FOXP1: variants seen among roughly 807,000 people sequenced by gnomAD.
FOXP1 encodes forkhead box protein P1.
FOXP1 carries 15 observed loss-of-function variants against 98.2 expected under a neutral mutation model. The observed-to-expected ratio is 0.15, with a 90% CI of 0.10 to 0.24. FOXP1 has a LOEUF of 0.24. FOXP1 is among the 10% of genes least tolerant of loss of function. The pLI, the probability that FOXP1 is intolerant of heterozygous loss-of-function variation, is 1.00. For missense variants in FOXP1, 633 were observed against 848.5 expected (o/e 0.75, Z 3.15); for synonymous variants, 371 against 314.5 (o/e 1.18, Z -1.90).
At chr3:71,581,846 G>T in intron 1 of FOXP1, 149 bp from the exon 2 acceptor site, 1 of 986,204 alleles carries the variant, frequency 1.0e-6, no homozygotes, top group Non-Finnish European at 1.2e-6. Flanking sequence ...CGCGTGGAGG[G>T]AAGAGAGGAT....
chr3:71,541,085 C>T (rs1292033274), intron 2 of FOXP1, among the ~76,000 whole-genome samples: 4 of 152,160 alleles, frequency 2.6e-5, no homozygotes, highest in Non-Finnish European at 5.9e-5. Context: ...TGGACAAGTC[C>T]CTTCTTTTAG....
At chr3:71,063,977 C>A (rs927409725) in intron 7 of FOXP1, among the ~76,000 whole-genome samples, 2 of 152,160 alleles carry the variant, frequency 1.3e-5, no homozygotes, top group African/African-American at 4.8e-5. Context: ...ACTGACCGTC[C>A]TTCATGCAGT....
At chr3:70,967,687 GTTTTT>G (rs67711426) in intron 19 of FOXP1, among the ~76,000 whole-genome samples, 1 of 61,358 alleles carries the variant, frequency 1.6e-5, no homozygotes, top group South Asian at 5.9e-4. Flanking sequence ...ACTATTATTT[GTTTTT>G]TTTTTTTGTT....
At chr3:71,042,996 T>C (rs1324434845) in intron 10 of FOXP1, among the ~76,000 whole-genome samples, 1 of 152,176 alleles carries the variant, frequency 6.6e-6, no homozygotes, top group Admixed American at 6.6e-5. Flanking sequence ...TAGGATTTTT[T>C]TATATTCACC....
chr3:71,357,420 C>A (rs1376146327), intron 4 of FOXP1, among the ~76,000 whole-genome samples: 1 of 152,176 alleles, frequency 6.6e-6, no homozygotes, highest in African/African-American at 2.4e-5. Flanking sequence ...AAACAAGGCA[C>A]AGTCAACAGA....
At chr3:71,350,838 CCTT>C in intron 4 of FOXP1, among the ~76,000 whole-genome samples, 1 of 152,278 alleles carries the variant, frequency 6.6e-6, no homozygotes, top group East Asian at 1.9e-4. Context: ...AGTTCTGTCT[CCTT>C]CTGAAACCAG....
intron 6 of FOXP1, among the ~76,000 whole-genome samples, chr3:71,152,129 A>T (rs531550343): frequency 6.6e-6 from 1 of 152,258 alleles, no homozygotes; most frequent in African/African-American, 2.4e-5. Context: ...CTGTTCCTGA[A>T]GACAGAGATT....
At chr3:71,369,653 A>C (rs926264610) in intron 3 of FOXP1, among the ~76,000 whole-genome samples, 1 of 152,148 alleles carries the variant, frequency 6.6e-6, no homozygotes, top group Non-Finnish European at 1.5e-5. Context: ...TCAGTCTCCC[A>C]AAGTGCTAGG....
chr3:71,491,094 C>T (rs2091029778), intron 3 of FOXP1, among the ~76,000 whole-genome samples: 1 of 152,184 alleles, frequency 6.6e-6, no homozygotes, highest in African/African-American at 2.4e-5. Flanking sequence ...CAGCTCACTG[C>T]AACCTCCACC....
chr3:71,339,800 T>C (rs1275751060), intron 4 of FOXP1, among the ~76,000 whole-genome samples: 1 of 152,190 alleles, frequency 6.6e-6, no homozygotes, highest in African/African-American at 2.4e-5. Context: ...AATTCCTCTC[T>C]GAGAGAAAGT....
intron 6 of FOXP1, among the ~76,000 whole-genome samples, chr3:71,178,426 G>A (rs1444715655): frequency 1.3e-5 from 2 of 151,922 alleles, no homozygotes; most frequent in African/African-American, 2.4e-5. Context: ...GAGCCATCGC[G>A]CCCGGCCAGT....
At chr3:71,479,456 A>C (rs1365670959) in intron 3 of FOXP1, among the ~76,000 whole-genome samples, 1 of 152,144 alleles carries the variant, frequency 6.6e-6, no homozygotes, top group Non-Finnish European at 1.5e-5. Context: ...GGGCAGGTGG[A>C]TCACCTGAGG....
chr3:71,045,897 G>A (rs193167672), intron 10 of FOXP1, among the ~76,000 whole-genome samples: 3 of 152,170 alleles, frequency 2.0e-5, no homozygotes, highest in African/African-American at 7.2e-5. Context: ...ATCCAAGACA[G>A]CAGTGGCTTT....
chr3:71,510,836 T>A (rs970561419), intron 2 of FOXP1, among the ~76,000 whole-genome samples: 2 of 152,242 alleles, frequency 1.3e-5, no homozygotes, highest in African/African-American at 4.8e-5. Context: ...AGGTCATTTT[T>A]AAAAAATCAG....
intron 3 of FOXP1, among the ~76,000 whole-genome samples, chr3:71,482,329 C>A (rs993291171): frequency 1.3e-5 from 2 of 149,330 alleles, no homozygotes; most frequent in East Asian, 2.0e-4. Context: ...TTTTTTGCTA[C>A]AAATTAATAT....
chr3:71,564,277 C>T (rs1331121936), intron 2 of FOXP1, among the ~76,000 whole-genome samples: 1 of 152,278 alleles, frequency 6.6e-6, no homozygotes. Context: ...CGTTATCTGC[C>T]TTGGCTATTT....
chr3:70,977,432 C>T (rs913360880), intron 16 of FOXP1, among the ~76,000 whole-genome samples: 3 of 152,136 alleles, frequency 2.0e-5, no homozygotes, highest in African/African-American at 7.2e-5. Flanking sequence ...CTCATTTTCA[C>T]TGTTGTGTGA....
At chr3:71,138,079 T>C (rs2107976103) in intron 6 of FOXP1, among the ~76,000 whole-genome samples, 1 of 152,308 alleles carries the variant, frequency 6.6e-6, no homozygotes, top group Non-Finnish European at 1.5e-5. Context: ...TATTATTGCC[T>C]GAGTGTTTGA....
chr3:70,991,921 C>T (rs2040661231), intron 13 of FOXP1, among the ~76,000 whole-genome samples: 1 of 152,166 alleles, frequency 6.6e-6, no homozygotes, highest in Non-Finnish European at 1.5e-5. Context: ...AATCATAGGT[C>T]TTAGTCTCCC....
Sources: gnomAD v4.1 joint callset for allele counts (sites outside exome capture counted in the v4.1 genomes callset) on GRCh38, gnomAD v4.1.1 for gene constraint, MANE v1.5 for transcripts, NCBI Gene and HGNC (gene_info 2026-07-23, HGNC 2026-07-21) for gene names.